The following CACNA1D variants were observed in gnomAD, a reference collection of about 807,000 sequenced individuals.
The protein encoded by CACNA1D is calcium voltage-gated channel subunit alpha1 D, also known as voltage-dependent L-type calcium channel subunit alpha-1D.
Under a neutral mutation model 257.1 loss-of-function variants are expected in CACNA1D, and 55 were observed. The observed-to-expected ratio is 0.21, with a 90% CI of 0.17 to 0.27. The LOEUF (loss-of-function observed/expected upper bound fraction) is 0.27, where lower values mean the gene tolerates loss of function less well. Ranked by LOEUF, CACNA1D falls within the 10% of genes least tolerant of loss-of-function variation. The pLI, the probability that CACNA1D is intolerant of heterozygous loss-of-function variation, is 1.00. For synonymous variants in CACNA1D, 980 were observed against 1,014.9 expected, an observed-to-expected ratio of 0.97 and a Z score of 0.65; for missense variants, 1,876 against 2,784.0, an observed-to-expected ratio of 0.67 and a Z score of 7.34.
rs77436309 is a variant in CACNA1D, at chr3:53,539,048, G to A, written c.483+37328G>A. On this transcript the variant is annotated intron_variant, in intron 3 of 47. Transcript: ENST00000350061. ...TTAAGACAAAATACGTCCCTAAGCA[G>A]TATCACTTGGTTTTGTCTGTTTTGA... Among the ~76,000 whole-genome samples the A allele has an allele frequency of 8.4e-3, 1,277 of 152,036 alleles. 19 individuals are homozygous for A. The highest frequency in any genetic ancestry group is 0.028 in the African/African-American group (1,178 of 41,474).
At chr3:53,674,137 T>C in intron 8 of CACNA1D, 1 of 464,990 alleles carries the variant, frequency 2.2e-6, no homozygotes, top group Admixed American at 3.4e-5. Context: ...AAAGAGGCTT[T>C]TGTCCCTTGT....
intron 3 of CACNA1D, among the ~76,000 whole-genome samples, chr3:53,597,249 G>C (rs2093382260): frequency 6.6e-6 from 1 of 152,170 alleles, no homozygotes. Flanking sequence ...TTATCTTTAG[G>C]GAGACAGATG....
chr3:53,582,329 C>T (rs192928520), intron 3 of CACNA1D, among the ~76,000 whole-genome samples: 6 of 151,788 alleles, frequency 4.0e-5, no homozygotes, highest in Admixed American at 2.0e-4. Context: ...GGATCTGAGT[C>T]GAGAGAGAGA....
chr3:53,615,765 CA>C (rs2093630258), intron 3 of CACNA1D, among the ~76,000 whole-genome samples: 1 of 152,212 alleles, frequency 6.6e-6, no homozygotes. Flanking sequence ...TTCTACTCTT[CA>C]GGTTATTTTG....
At chr3:53,625,298 A>G (rs1422019473) in intron 3 of CACNA1D, among the ~76,000 whole-genome samples, 1 of 152,214 alleles carries the variant, frequency 6.6e-6, no homozygotes, top group African/African-American at 2.4e-5. Flanking sequence ...GTCTGTCCCC[A>G]CTACCTTTGG....
Position 53,612,932 on chromosome 3 carries a change from T to C in CACNA1D, c.484-37847T>C, listed in dbSNP as rs13320673. On this transcript the variant is annotated intron_variant, in intron 3 of 47. Coordinates refer to ENST00000350061, the MANE Select transcript of CACNA1D (RefSeq NM_001128840.3). Reference sequence around the variant, plus strand: ...AAGGCAGGAGGATAAATTTGGTCCATTTTATTTCATCATTGCCAGAAGTAG... The same window carrying C: ...AAGGCAGGAGGATAAATTTGGTCCACTTTATTTCATCATTGCCAGAAGTAG... 5.3e-3 allele frequency among the ~76,000 whole-genome samples: 809 copies of C among 152,320 alleles called. 8 individuals carry two copies. The highest frequency in any genetic ancestry group is 0.018 in the African/African-American group (765 of 41,568).
At chr3:53,651,929 C>A (rs2094101780) in intron 4 of CACNA1D, among the ~76,000 whole-genome samples, 1 of 151,986 alleles carries the variant, frequency 6.6e-6, no homozygotes, top group African/African-American at 2.4e-5. Flanking sequence ...TGGTTGTGGG[C>A]CTTCCTAGGT....
At chr3:53,554,736 T>A (rs1277236930) in intron 3 of CACNA1D, among the ~76,000 whole-genome samples, 1 of 152,224 alleles carries the variant, frequency 6.6e-6, no homozygotes, top group South Asian at 2.1e-4. Flanking sequence ...TTACATCTTA[T>A]CCATTTGTAA....
intron 3 of CACNA1D, among the ~76,000 whole-genome samples, chr3:53,595,300 C>A (rs957923811): frequency 2.0e-5 from 3 of 152,174 alleles, no homozygotes; most frequent in African/African-American, 7.2e-5. Flanking sequence ...ACGGGAGGAC[C>A]AGGTGGACAG....
intron 7 of CACNA1D, among the ~76,000 whole-genome samples, chr3:53,667,820 A>AGTGTGT (rs143864310): frequency 6.8e-6 from 1 of 147,256 alleles, no homozygotes; most frequent in African/African-American, 2.5e-5. Flanking sequence ...TAGGAGTGTG[A>AGTGTGT]GTGTGTGTGT....
Position 53,806,175 on chromosome 3 carries a change from C to G in CACNA1D, c.5749+1029C>G, listed in dbSNP as rs1397947815. Among the ~76,000 whole-genome samples the G allele has an allele frequency of 3.0e-5, 3 of 98,898 alleles. No homozygotes were observed. The East Asian group carries it at 1.1e-3, about 37-fold the overall frequency. The allele number at this position is 98,898 out of a possible 152,430, so 64.9% of individuals were successfully genotyped here. ...CCTCCTTCTTTTCCCTCCCCCTCTCCTCCCTCCTCCTCCCTCCTCCCTCCT... is the reference window on the plus strand; with the variant it reads ...CCTCCTTCTTTTCCCTCCCCCTCTCGTCCCTCCTCCTCCCTCCTCCCTCCT... On this transcript the variant is annotated intron_variant, in intron 45 of 47. Coordinates refer to ENST00000350061, the MANE Select transcript of CACNA1D (RefSeq NM_001128840.3).
chr3:53,565,729 A>G (rs1032799472), intron 3 of CACNA1D, among the ~76,000 whole-genome samples: 1 of 152,256 alleles, frequency 6.6e-6, no homozygotes, highest in African/African-American at 2.4e-5. Flanking sequence ...AAGATAATGC[A>G]TCTTCTATGA....
chr3:53,790,163 C>T (rs781068548), intron 40 of CACNA1D, among the ~76,000 whole-genome samples: 1 of 152,192 alleles, frequency 6.6e-6, no homozygotes, highest in Non-Finnish European at 1.5e-5. Flanking sequence ...TGCTCGTCAT[C>T]CATTGTTGCT....
chr3:53,573,477 A>T (rs1351406841), intron 3 of CACNA1D, among the ~76,000 whole-genome samples: 1 of 151,940 alleles, frequency 6.6e-6, no homozygotes, highest in Non-Finnish European at 1.5e-5. Context: ...TTAGATCTTT[A>T]CTCAGAGTCA....
At chr3:53,681,649 A>G (rs2094431161) in intron 8 of CACNA1D, among the ~76,000 whole-genome samples, 2 of 152,152 alleles carry the variant, frequency 1.3e-5, no homozygotes, top group Non-Finnish European at 2.9e-5. Context: ...CTGCAGTGAC[A>G]GTGTGGAATG....
intron 9 of CACNA1D, among the ~76,000 whole-genome samples, chr3:53,706,778 C>G (rs916417389): frequency 5.3e-5 from 8 of 152,098 alleles, no homozygotes; most frequent in African/African-American, 1.9e-4. Context: ...TTCCACCCTC[C>G]CACCCTTCTG....
rs1017413446 is a variant in CACNA1D, at chr3:53,666,123, A to G, written c.920-216A>G. 2.0e-5 allele frequency among the ~76,000 whole-genome samples: 3 copies of G among 149,864 alleles called. No homozygotes were observed. In the East Asian group the frequency reaches 5.8e-4, roughly 29 times the overall value. On this transcript the variant is annotated intron_variant, in intron 6 of 47. Coordinates refer to ENST00000350061, the MANE Select transcript of CACNA1D (RefSeq NM_001128840.3). The stretch of plus-strand genomic sequence containing the variant: ...AGGAGGATGCTGTAAGCGCAGGTGC[A>G]GAGGAAAAGAACCATGGATGCTGAC...
chr3:53,772,983 T>A, intron 33 of CACNA1D, 85 bp downstream of exon 33: 2 of 1,135,112 alleles, frequency 1.8e-6, no homozygotes, highest in Non-Finnish European at 2.7e-6. Context: ...CCAAGTGAAG[T>A]AGAAGCATTG....
intron 9 of CACNA1D, among the ~76,000 whole-genome samples, chr3:53,707,299 G>A (rs904996910): frequency 1.3e-5 from 2 of 152,070 alleles, no homozygotes; most frequent in East Asian, 1.9e-4. Context: ...GGAGCCAGGG[G>A]TGGCTCTTTT....
Sources: allele counts gnomAD v4.1 joint callset (sites outside exome capture counted in the v4.1 genomes callset), GRCh38; gene constraint gnomAD v4.1.1; transcripts MANE v1.5; gene names NCBI Gene and HGNC (gene_info 2026-07-23, HGNC 2026-07-21).